The following PRDM11 variants were observed in gnomAD, a reference collection of about 807,000 sequenced individuals.
PRDM11 encodes PR domain-containing protein 11.
In PRDM11, 20 loss-of-function variants were observed where a neutral mutation model predicts 97.8. That is an observed-to-expected ratio of 0.20 (90% CI 0.14 to 0.30). The LOEUF (loss-of-function observed/expected upper bound fraction) is 0.30. PRDM11 is among the 10% of genes least tolerant of loss of function. The pLI, the probability that PRDM11 is intolerant of heterozygous loss-of-function variation, is 1.00. For synonymous variants in PRDM11, 599 were observed against 637.7 expected, an observed-to-expected ratio of 0.94 and a Z score of 0.91; for missense variants, 1,139 against 1,555.2, an observed-to-expected ratio of 0.73 and a Z score of 4.50.
chr11:45,145,515 T>C (rs1851487312), upstream of PRDM11, among the ~76,000 whole-genome samples: 1 of 152,306 alleles, frequency 6.6e-6, no homozygotes. Context: ...GGTAGTACCC[T>C]CTGGGGGCCG....
intron 1 of PRDM11, among the ~76,000 whole-genome samples, chr11:45,138,363 C>G (rs1314770655): frequency 6.6e-6 from 1 of 152,130 alleles, no homozygotes; most frequent in Non-Finnish European, 1.5e-5. Flanking sequence ...CTCAGGAGTG[C>G]AAGACCAGCC....
At chr11:45,120,637 A>T (rs913667162) in intron 1 of PRDM11, among the ~76,000 whole-genome samples, 2 of 152,152 alleles carry the variant, frequency 1.3e-5, no homozygotes, top group Non-Finnish European at 2.9e-5. Context: ...TTAAAAAAAA[A>T]ACCACATACA....
chr11:45,188,838 C>T (rs556198954), intron 4 of PRDM11, among the ~76,000 whole-genome samples: 1 of 152,332 alleles, frequency 6.6e-6, no homozygotes, highest in African/African-American at 2.4e-5. Context: ...GGGTGCTGCG[C>T]AGCCATGTGG....
intron 1 of PRDM11, among the ~76,000 whole-genome samples, chr11:45,172,272 C>T (rs1429241704): frequency 1.3e-5 from 2 of 152,168 alleles, no homozygotes; most frequent in East Asian, 3.9e-4. Flanking sequence ...TTCACTAATC[C>T]AGAAGTTTTC....
intron 1 of PRDM11, among the ~76,000 whole-genome samples, chr11:45,173,318 A>C (rs1317741124): frequency 6.6e-6 from 1 of 152,134 alleles, no homozygotes; most frequent in Non-Finnish European, 1.5e-5. Flanking sequence ...CACTGTGAGA[A>C]GCAAACACAT....
At chr11:45,169,934 A>T (rs1289812108) in intron 1 of PRDM11, among the ~76,000 whole-genome samples, 2 of 152,190 alleles carry the variant, frequency 1.3e-5, no homozygotes, top group African/African-American at 4.8e-5. Context: ...GTTTCAGGGG[A>T]TGTAGCAGTG....
In PRDM11 at chr11:45,146,880, G is replaced by C. The variant is rs1223759843; in HGVS notation, c.-7+3G>C. On this transcript the variant is annotated splice_donor_region_variant and intron_variant, in intron 1 of 7. Coordinates refer to ENST00000683152, the MANE Select transcript of PRDM11 (RefSeq NM_001384648.1). ...GCTGCCGCAGCATTCCCGGGAAGGT[G>C]AGTCAGCCCCGGTAGCCAATGTGGC... is the stretch of plus-strand genomic sequence containing the variant. 1 of 146,340 alleles carries C rather than the reference G, an allele frequency of 6.8e-6. No homozygotes were observed. Among genetic ancestry groups the C allele is most frequent in the Non-Finnish European group, 1.5e-5 (1 of 65,756 alleles). 9.1% of individuals were successfully genotyped at this position (146,340 alleles called of 1,614,324 possible).
intron 5 of PRDM11, among the ~76,000 whole-genome samples, chr11:45,205,688 A>G (rs748600847): frequency 6.6e-6 from 1 of 152,120 alleles, no homozygotes; most frequent in Non-Finnish European, 1.5e-5. Context: ...AGAGAGGGCA[A>G]CTTCCTAAAA....
At chr11:45,180,866 C>T (rs1348252364) in intron 1 of PRDM11, among the ~76,000 whole-genome samples, 3 of 151,884 alleles carry the variant, frequency 2.0e-5, no homozygotes, top group African/African-American at 7.2e-5. Flanking sequence ...ACCGCGCGCC[C>T]CCGGCCCTGC....
intron 1 of PRDM11, among the ~76,000 whole-genome samples, chr11:45,160,876 C>G (rs1391056583): frequency 6.6e-6 from 1 of 152,242 alleles, no homozygotes; most frequent in South Asian, 2.1e-4. Context: ...CTCCTGGCCC[C>G]TGCTAGCCCT....
At chr11:45,210,270 A>G (rs1017718461) in intron 5 of PRDM11, among the ~76,000 whole-genome samples, 2 of 151,300 alleles carry the variant, frequency 1.3e-5, no homozygotes, top group African/African-American at 4.9e-5. Flanking sequence ...CCCGCTCCCC[A>G]CCCCTCTTCT....
intron 1 of PRDM11, among the ~76,000 whole-genome samples, chr11:45,105,363 C>T (rs1490365247): frequency 6.6e-6 from 1 of 152,220 alleles, no homozygotes; most frequent in Non-Finnish European, 1.5e-5. Flanking sequence ...GTCATAGCCA[C>T]CAGGTGCTGC....
At chr11:45,213,754 T>C in intron 5 of PRDM11, 1 of 456,306 alleles carries the variant, frequency 2.2e-6, no homozygotes, top group Non-Finnish European at 4.4e-6. Flanking sequence ...TTATGATCAT[T>C]TTTATCATCA....
At chr11:45,172,815 T>C (rs1352898136) in intron 1 of PRDM11, among the ~76,000 whole-genome samples, 1 of 152,218 alleles carries the variant, frequency 6.6e-6, no homozygotes, top group African/African-American at 2.4e-5. Context: ...CCTTGGACTT[T>C]GGTATCAGAG....
At chr11:45,200,167 T>A (rs971637921) in intron 4 of PRDM11, among the ~76,000 whole-genome samples, 1 of 152,298 alleles carries the variant, frequency 6.6e-6, no homozygotes, top group Non-Finnish European at 1.5e-5. Flanking sequence ...ACAATCCCAA[T>A]TGGTGGGAAA....
chr11:45,106,296 G>A (rs904044056), intron 1 of PRDM11, among the ~76,000 whole-genome samples: 2 of 152,102 alleles, frequency 1.3e-5, no homozygotes, highest in Non-Finnish European at 1.5e-5. Flanking sequence ...AGGCTCCCTC[G>A]CAAGCCACAC....
chr11:45,117,676 G>A (rs1590349484), intron 1 of PRDM11, among the ~76,000 whole-genome samples: 2 of 152,122 alleles, frequency 1.3e-5, no homozygotes, highest in Admixed American at 6.5e-5. Flanking sequence ...GAACCCAGGA[G>A]TCTAAGGCTT....
chr11:45,149,421 A>C (rs1273078148), intron 1 of PRDM11, among the ~76,000 whole-genome samples: 1 of 152,198 alleles, frequency 6.6e-6, no homozygotes, highest in African/African-American at 2.4e-5. Context: ...TTTCCTCCTC[A>C]AATCCTTGAG....
At chr11:45,212,480 G>C in intron 5 of PRDM11, 1 of 404,794 alleles carries the variant, frequency 2.5e-6, no homozygotes, top group Admixed American at 3.0e-5. Context: ...TGATGAAGAT[G>C]AGGAGGCGCC....
Sources: allele counts gnomAD v4.1 joint callset (sites outside exome capture counted in the v4.1 genomes callset), GRCh38; gene constraint gnomAD v4.1.1; transcripts MANE v1.5; gene names NCBI Gene and HGNC (gene_info 2026-07-23, HGNC 2026-07-21).